Variants in FER observed in about 807,000 individuals in gnomAD.
The protein encoded by FER is FER tyrosine kinase.
Under a neutral mutation model 111.0 loss-of-function variants are expected in FER, and 63 were observed. That is an observed-to-expected ratio of 0.57 (90% CI 0.46 to 0.70). The LOEUF (loss-of-function observed/expected upper bound fraction) is 0.70. Among genes scored for constraint, FER ranks in the 30% least tolerant of loss-of-function variants. The pLI is 0.00. For missense variants in FER, 914 were observed against 954.0 expected, an observed-to-expected ratio of 0.96 and a Z score of 0.55; for synonymous variants, 327 against 313.9, an observed-to-expected ratio of 1.04 and a Z score of -0.44.
At chr5:108,805,237 C>G (rs890902194) in intron 3 of FER, among the ~76,000 whole-genome samples, 4 of 152,144 alleles carry the variant, frequency 2.6e-5, no homozygotes, top group African/African-American at 9.7e-5. Flanking sequence ...CACAAGCTCT[C>G]TTTTGCCTGC....
intron 10 of FER, among the ~76,000 whole-genome samples, chr5:108,904,310 G>T (rs4400169): frequency 0.033 from 4,987 of 152,180 alleles, 265 homozygotes; most frequent in African/African-American, 0.11. Flanking sequence ...ATGAGTGCTG[G>T]GAGTTATTTT....
At chr5:108,901,211 C>T (rs984094838) in intron 10 of FER, among the ~76,000 whole-genome samples, 3 of 151,818 alleles carry the variant, frequency 2.0e-5, no homozygotes, top group Admixed American at 1.3e-4. Context: ...CTTGGACTTC[C>T]TGGAACTGTG....
chr5:109,094,736 G>C (rs1747271519), intron 16 of FER, among the ~76,000 whole-genome samples: 2 of 152,282 alleles, frequency 1.3e-5, no homozygotes, highest in South Asian at 4.1e-4. Context: ...CAATAGGCTG[G>C]ATTGGGCTCA....
At chr5:109,024,706 G>A (rs1299166702) in intron 13 of FER, among the ~76,000 whole-genome samples, 2 of 152,122 alleles carry the variant, frequency 1.3e-5, no homozygotes, top group Non-Finnish European at 2.9e-5. Flanking sequence ...ACTCCTGAGA[G>A]CAGAAACTAT....
At chr5:109,149,579 A>C (rs1361551062) in intron 17 of FER, among the ~76,000 whole-genome samples, 8 of 151,956 alleles carry the variant, frequency 5.3e-5, no homozygotes, top group African/African-American at 1.7e-4. Context: ...AACAAATTTC[A>C]TATCAATCAA....
Position 109,065,657 on chromosome 5 carries a change from A to G in FER, c.1924+18459A>G, listed in dbSNP as rs1047688941. On this transcript the variant is annotated intron_variant, in intron 16 of 19. Coordinates refer to ENST00000281092, the MANE Select transcript of FER (RefSeq NM_005246.4). ...GAGCACGTGAGCCCAGGGGTTCACA[A>G]ATTCATTATGAAGGATTACATATTA... Among the ~76,000 whole-genome samples the G allele has an allele frequency of 2.4e-4, 37 of 152,202 alleles. 1 individual carries two copies. The highest frequency in any genetic ancestry group is 4.9e-4 in the Non-Finnish European group (33 of 68,036).
chr5:109,128,761 A>G (rs929390172), intron 17 of FER, among the ~76,000 whole-genome samples: 5 of 152,128 alleles, frequency 3.3e-5, no homozygotes, highest in Non-Finnish European at 7.4e-5. Flanking sequence ...TTATTTTAAT[A>G]TATGGAGCAT....
intron 2 of FER, among the ~76,000 whole-genome samples, chr5:108,787,034 G>A (rs999498531): frequency 6.6e-6 from 1 of 152,150 alleles, no homozygotes; most frequent in African/African-American, 2.4e-5. Context: ...AGAGCCAGCA[G>A]GGGCTGGGAA....
At chr5:108,871,821 A>T (rs184980894) in intron 7 of FER, among the ~76,000 whole-genome samples, 1 of 151,916 alleles carries the variant, frequency 6.6e-6, no homozygotes, top group African/African-American at 2.4e-5. Flanking sequence ...ACACTTTATG[A>T]TGCGCCAAAT....
intron 13 of FER, among the ~76,000 whole-genome samples, chr5:109,020,152 C>G (rs1366223276): frequency 1.3e-5 from 2 of 151,466 alleles, no homozygotes; most frequent in Non-Finnish European, 3.0e-5. Flanking sequence ...TAGAAATATT[C>G]TTAAATTGCT....
At chr5:108,865,050 G>C (rs1763897468) in intron 5 of FER, among the ~76,000 whole-genome samples, 1 of 152,084 alleles carries the variant, frequency 6.6e-6, no homozygotes, top group Non-Finnish European at 1.5e-5. Context: ...GTGGTTTGTT[G>C]TTCTCCTTGA....
chr5:108,992,255 A>G (rs996346181), intron 13 of FER, among the ~76,000 whole-genome samples: 8 of 152,248 alleles, frequency 5.3e-5, no homozygotes, highest in Non-Finnish European at 1.0e-4. Flanking sequence ...AACAAAATGA[A>G]AAGTCTCCCA....
chr5:108,860,081 A>G (rs1305812199), intron 5 of FER, among the ~76,000 whole-genome samples: 1 of 151,814 alleles, frequency 6.6e-6, no homozygotes, highest in East Asian at 1.9e-4. Flanking sequence ...AGCTGGGACT[A>G]CAGGTGTGCA....
intron 17 of FER, among the ~76,000 whole-genome samples, chr5:109,167,216 T>C (rs554353891): frequency 5.3e-5 from 8 of 152,298 alleles, no homozygotes; most frequent in African/African-American, 1.4e-4. Context: ...GATACGTACA[T>C]ACATATACAT....
intron 17 of FER, among the ~76,000 whole-genome samples, chr5:109,131,446 A>T (rs745471709): frequency 3.3e-5 from 5 of 152,130 alleles, no homozygotes; most frequent in Non-Finnish European, 5.9e-5. Flanking sequence ...GGAGACAGAC[A>T]ATAGTTGGTT....
chr5:108,948,069 A>G (rs775149550), intron 11 of FER, among the ~76,000 whole-genome samples: 50 of 152,126 alleles, frequency 3.3e-4, no homozygotes, highest in African/African-American at 1.2e-3. Context: ...CTGTTTATGC[A>G]AATAAACATA....
At chr5:108,900,226 A>AT (rs773668235) in intron 10 of FER, among the ~76,000 whole-genome samples, 95 of 152,314 alleles carry the variant, frequency 6.2e-4, no homozygotes, top group Non-Finnish European at 1.2e-3. Flanking sequence ...ATTTTACAGC[A>AT]TTTTTTCAGA....
chr5:108,788,900 C>G (rs899301714), intron 2 of FER, among the ~76,000 whole-genome samples: 1 of 152,186 alleles, frequency 6.6e-6, no homozygotes, highest in African/African-American at 2.4e-5. Flanking sequence ...TGAATTGTCT[C>G]TCTTTTGTTC....
At chr5:109,088,311 C>T (rs1777786018) in intron 16 of FER, among the ~76,000 whole-genome samples, 1 of 151,938 alleles carries the variant, frequency 6.6e-6, no homozygotes, top group Non-Finnish European at 1.5e-5. Context: ...ATCTAATTTT[C>T]TTGTTTGCTT....
Sources: allele counts gnomAD v4.1 joint callset (sites outside exome capture counted in the v4.1 genomes callset), GRCh38; gene constraint gnomAD v4.1.1; transcripts MANE v1.5; gene names NCBI Gene and HGNC (gene_info 2026-07-23, HGNC 2026-07-21).